PXDC1: variants seen among roughly 807,000 people sequenced by gnomAD.
PXDC1 encodes the protein PX domain containing 1, also known as PX domain-containing protein 1.
PXDC1 carries 13 observed loss-of-function variants against 24.4 expected under a neutral mutation model. The observed-to-expected ratio is 0.53, with a 90% CI of 0.35 to 0.85. The LOEUF is 0.85. Among genes scored for constraint, PXDC1 ranks in the 40% least tolerant of loss-of-function variants. The probability of loss-of-function intolerance (pLI) is 0.01; values close to 1 mark genes in which losing one functional copy is unlikely to be tolerated. For synonymous variants in PXDC1, 162 were observed against 124.9 expected (o/e 1.30, Z -1.98); for missense variants, 344 against 309.3 (o/e 1.11, Z -0.84).
Position 3,738,112 on chromosome 6 carries a change from G to A in PXDC1, c.293C>T (p.Thr98Ile). Residue 98 changes from threonine (T) to isoleucine (I), a missense_variant, in exon 2 of 5, where the codon ACC becomes ATC. By Grantham distance (89) the Thr-to-Ile change is moderately conservative. Coordinates refer to ENST00000380283, the MANE Select transcript of PXDC1 (RefSeq NM_183373.4). The part of the protein sequence containing the change: ...VAIKEAHDIE[T>I]RLNEVEKLLK... ...CAGCTTCTCCACCTCATTAAGCCTG[G>A]TCTCTATGTCGTGGGCTTCCTTTAT... The A allele has an allele frequency of 6.2e-7, 1 of 1,614,116 alleles. No individual in the cohort carries two copies. The highest frequency in any genetic ancestry group is 8.5e-7 in the Non-Finnish European group (1 of 1,180,032).
intron 4 of PXDC1, 97 bp downstream of exon 4, chr6:3,727,454 G>A: frequency 1.3e-6 from 1 of 796,376 alleles, no homozygotes; most frequent in Non-Finnish European, 2.1e-6. Flanking sequence ...GGTGGCTCTG[G>A]GCACCCACTT....
Position 3,724,124 on chromosome 6 carries a change from G to A in PXDC1, c.579-388C>T, listed in dbSNP as rs1166857974. Among the ~76,000 whole-genome samples, 2 of 152,314 alleles carry A rather than the reference G, an allele frequency of 1.3e-5. No individual in the cohort carries two copies. Among genetic ancestry groups the A allele is most frequent in the East Asian group, 1.9e-4 (1 of 5,178 alleles). ...CTGGGCCCTGGGGACAGCTGAGAGA[G>A]GAGTGGTCACGAGCTCACAGCCTGA... On this transcript the variant is annotated intron_variant, in intron 4 of 4. Coordinates refer to ENST00000380283, the MANE Select transcript of PXDC1 (RefSeq NM_183373.4). This position sits in a 1 kb window ranked among gnomAD's most constrained non-coding sequence, Gnocchi z 4.5.
Position 3,751,437 on chromosome 6 carries a change from C to T in PXDC1, c.95G>A (p.Arg32His), listed in dbSNP as rs1452327512. The T allele has an allele frequency of 1.3e-6, 2 of 1,591,924 alleles. No homozygotes were observed. Among genetic ancestry groups the T allele is most frequent in the Non-Finnish European group, 1.7e-6 (2 of 1,170,328 alleles). Residue 32 changes from arginine (R) to histidine (H), a missense_variant, in exon 1 of 5, where the codon CGC (arginine) becomes CAC (histidine). By Grantham distance (29) the Arg-to-His change is conservative. Transcript: ENST00000380283. ...NGIRRLIVSR[R>H]GDEEEFFEIR... ...CTCGAAGAACTCCTCTTCGTCGCCG[C>T]GCCGGCTGACGATGAGCCTGCGGAT...
Position 3,724,086 on chromosome 6 carries a change from C to T in PXDC1, c.579-350G>A, listed in dbSNP as rs4959867. On this transcript the variant is annotated intron_variant, in intron 4 of 4. Coordinates refer to ENST00000380283, the MANE Select transcript of PXDC1 (RefSeq NM_183373.4). This position sits in a 1 kb window ranked among gnomAD's most constrained non-coding sequence, Gnocchi z 4.5. Reference sequence around the variant, plus strand: ...GCAGGGTCTGTCCTCAGGGAAGAGGCGCCTGCCTCGTGCTGGGCCCTGGGG... The same window carrying T: ...GCAGGGTCTGTCCTCAGGGAAGAGGTGCCTGCCTCGTGCTGGGCCCTGGGG... Among the ~76,000 whole-genome samples, 68,718 of 152,028 alleles carry T rather than the reference C, an allele frequency of 0.45. 16,795 individuals carry two copies. Among genetic ancestry groups the T allele is most frequent in the Non-Finnish European group, 0.55 (37,300 of 67,936 alleles).
chr6:3,737,333 C>T lies in PXDC1; in HGVS notation c.349-137G>A. 1.5e-6 allele frequency: 1 copy of T among 674,552 alleles called. No individual in the cohort carries two copies. Among genetic ancestry groups the T allele is most frequent in the Non-Finnish European group, 2.6e-6 (1 of 386,498 alleles). The allele number at this position is 674,552 out of a possible 1,614,324, so 41.8% of individuals were successfully genotyped here. On this transcript the variant is annotated intron_variant, in intron 2 of 4. Transcript: ENST00000380283. This position sits in a 1 kb window ranked among gnomAD's most constrained non-coding sequence, Gnocchi z 5.5. ...CGCCCCATGAATGTCCAGATGCTCC[C>T]ATGGCTGGCCGCAGGGGCGGGGCTG...
At chr6:3,741,964 T>C (rs1760458675) in intron 1 of PXDC1, among the ~76,000 whole-genome samples, 1 of 152,328 alleles carries the variant, frequency 6.6e-6, no homozygotes, top group Non-Finnish European at 1.5e-5. Flanking sequence ...AGTGCAGAAA[T>C]AAAAGAAATC....
At chr6:3,733,521 C>A (rs914828684) in intron 3 of PXDC1, among the ~76,000 whole-genome samples, 2 of 152,104 alleles carry the variant, frequency 1.3e-5, no homozygotes, top group African/African-American at 2.4e-5. Flanking sequence ...CGAGCTAGAC[C>A]GGGAACAGAG....
Position 3,737,994 on chromosome 6 carries a change from C to A in PXDC1, c.348+63G>T. 7.4e-7 allele frequency: 1 copy of A among 1,356,230 alleles called. No homozygotes were observed. Among genetic ancestry groups the A allele is most frequent in the Non-Finnish European group, 1.0e-6 (1 of 952,686 alleles). 84.0% of individuals were successfully genotyped at this position (1,356,230 alleles called of 1,614,324 possible). On this transcript the variant is annotated intron_variant, in intron 2 of 4. Transcript: ENST00000380283. This position sits in a 1 kb window ranked among gnomAD's most constrained non-coding sequence, Gnocchi z 5.5. ...ACCCTCCGGGGGGATGGACGCCTTT[C>A]GCATTTGGGAGGTGCCAGCACCTCC...
chr6:3,746,438 C>A (rs1199158364), intron 1 of PXDC1, among the ~76,000 whole-genome samples: 1 of 152,130 alleles, frequency 6.6e-6, no homozygotes, highest in Non-Finnish European at 1.5e-5. Context: ...CAGGGCACCC[C>A]CAGTGCAGGG....
intron 1 of PXDC1, among the ~76,000 whole-genome samples, chr6:3,747,783 T>C (rs114001820): frequency 0.016 from 2,446 of 152,348 alleles, 61 homozygotes; most frequent in African/African-American, 0.056. Flanking sequence ...CTTGTTACTA[T>C]TGGATTTCTC....
At chr6:3,732,430 T>A (rs921787603) in intron 3 of PXDC1, among the ~76,000 whole-genome samples, 2 of 152,186 alleles carry the variant, frequency 1.3e-5, no homozygotes, top group African/African-American at 4.8e-5. Flanking sequence ...AAAATAAAAT[T>A]GTGATTCATT....
At chr6:3,736,463 A>T (rs1293967225) in intron 3 of PXDC1, among the ~76,000 whole-genome samples, 1 of 152,106 alleles carries the variant, frequency 6.6e-6, no homozygotes, top group East Asian at 1.9e-4. Context: ...CCAGTCCTAG[A>T]GACTCCCAGG....
chr6:3,727,071 T>C (rs776625336), intron 4 of PXDC1, among the ~76,000 whole-genome samples: 79 of 152,330 alleles, frequency 5.2e-4, no homozygotes, highest in Middle Eastern at 3.4e-3. Flanking sequence ...TGCCGGGCTC[T>C]CTAGAGCATG....
Position 3,751,337 on chromosome 6 carries a change from C to T in PXDC1, c.195G>A (p.Gln65=). 3 of 1,552,254 alleles carry T rather than the reference C, an allele frequency of 1.9e-6. No homozygotes were observed. The highest frequency in any genetic ancestry group is 2.4e-5 in the East Asian group (1 of 41,038). ...RSLADLGRLW[Q]RLRDAFPEDR... is the part of the protein sequence containing the mutation. ...CCTCGGGAAAGGCGTCGCGCAGGCG[C>T]TGCCACAGGCGGCCCAGGTCCGCCA... Residue 65 remains glutamine, a synonymous_variant, in exon 1 of 5, where the codon CAG becomes CAA. Transcript: ENST00000380283.
At chr6:3,749,676 C>A (rs1333762285) in intron 1 of PXDC1, among the ~76,000 whole-genome samples, 1 of 152,006 alleles carries the variant, frequency 6.6e-6, no homozygotes, top group Non-Finnish European at 1.5e-5. Flanking sequence ...TGACAACTGG[C>A]ATTTATGGAG....
chr6:3,731,533 A>C (rs1189997073), intron 3 of PXDC1, among the ~76,000 whole-genome samples: 1 of 152,214 alleles, frequency 6.6e-6, no homozygotes, highest in Non-Finnish European at 1.5e-5. Flanking sequence ...TTCCAAATGA[A>C]AGCAGCCCTG....
intron 3 of PXDC1, among the ~76,000 whole-genome samples, chr6:3,735,770 CAAAGA>C (rs1198244474): frequency 5.3e-5 from 8 of 152,138 alleles, no homozygotes; most frequent in Middle Eastern, 3.4e-3. Flanking sequence ...GTTCTCACCA[CAAAGA>C]AAAGATGAAT....
At chr6:3,732,250 G>A (rs1760216459) in intron 3 of PXDC1, among the ~76,000 whole-genome samples, 1 of 152,176 alleles carries the variant, frequency 6.6e-6, no homozygotes, top group African/African-American at 2.4e-5. Flanking sequence ...AGCCGTGAAA[G>A]CATTCATACT....
At chr6:3,745,502 T>C (rs1760549967) in intron 1 of PXDC1, among the ~76,000 whole-genome samples, 1 of 152,242 alleles carries the variant, frequency 6.6e-6, no homozygotes, top group Non-Finnish European at 1.5e-5. Context: ...TGGAATGACA[T>C]GCAGGTGGCA....
Sources: gnomAD v4.1 joint callset for allele counts (sites outside exome capture counted in the v4.1 genomes callset) on GRCh38, gnomAD v4.1.1 for gene constraint, Gnocchi (gnomAD v3.1) non-coding constraint, MANE v1.5 for transcripts, NCBI Gene and HGNC (gene_info 2026-07-23, HGNC 2026-07-21) for gene names.